Variants in SGCD observed in about 807,000 individuals in gnomAD.
SGCD encodes delta-sarcoglycan.
SGCD carries 18 observed loss-of-function variants against 36.6 expected under a neutral mutation model. That is an observed-to-expected ratio of 0.49 (90% confidence interval 0.34 to 0.73). The LOEUF (loss-of-function observed/expected upper bound fraction) is 0.73, where lower values mean the gene tolerates loss of function less well. Among genes scored for constraint, SGCD ranks in the 30% least tolerant of loss-of-function variants. The pLI is 0.01. For synonymous variants in SGCD, 133 were observed against 130.6 expected (o/e 1.02, Z -0.12); for missense variants, 387 against 346.7 (o/e 1.12, Z -0.92).
At chr5:156,177,539 C>G (rs1042007926) in intron 3 of SGCD, among the ~76,000 whole-genome samples, 2 of 152,066 alleles carry the variant, frequency 1.3e-5, no homozygotes, top group African/African-American at 4.8e-5. Flanking sequence ...TCCTGTGCAT[C>G]TCGGGAGCTG....
intron 6 of SGCD, among the ~76,000 whole-genome samples, chr5:156,631,241 A>G (rs992944161): frequency 6.6e-6 from 1 of 152,158 alleles, no homozygotes; most frequent in Admixed American, 6.5e-5. Flanking sequence ...TTAAAAAGAG[A>G]TGCTAATGTA....
chr5:155,884,660 C>A (rs2113302110), intron 1 of SGCD, among the ~76,000 whole-genome samples: 1 of 152,294 alleles, frequency 6.6e-6, no homozygotes, highest in Non-Finnish European at 1.5e-5. Context: ...TTTCTGGCAT[C>A]TGGATAGGTA....
chr5:155,741,344 A>T, the SGCD span, among the ~76,000 whole-genome samples: 2 of 152,212 alleles, frequency 1.3e-5, no homozygotes, highest in South Asian at 4.1e-4. Context: ...ACCTGGAAAA[A>T]GAAGGGAATT....
At chr5:156,122,843 TAAAAAAAAAAAAAAAAAAAA>T (rs33983852) in intron 2 of SGCD, among the ~76,000 whole-genome samples, 1,199 of 54,154 alleles carry the variant, frequency 0.022, 52 homozygotes, top group African/African-American at 0.091. Context: ...AAAGATGTGG[TAAAAAAAAAAAAAAAAAAAA>T]AAAAAAAAAA....
intron 3 of SGCD, among the ~76,000 whole-genome samples, chr5:156,406,457 G>T (rs1772414704): frequency 6.6e-6 from 1 of 151,450 alleles, no homozygotes; most frequent in African/African-American, 2.4e-5. Context: ...CTTTATTTTG[G>T]TGCATCCAAT....
At chr5:156,020,137 A>T (rs1016520092) in intron 1 of SGCD, among the ~76,000 whole-genome samples, 24 of 152,182 alleles carry the variant, frequency 1.6e-4, no homozygotes, top group African/African-American at 5.8e-4. Context: ...ACTTACTTTT[A>T]TATATTTTCA....
At chr5:155,776,639 C>A in the SGCD span, among the ~76,000 whole-genome samples, 1 of 151,254 alleles carries the variant, frequency 6.6e-6, no homozygotes, top group Non-Finnish European at 1.5e-5. Context: ...CAACACCCCC[C>A]ACCCCCGCCC....
chr5:155,942,334 G>GTATGTATCTATCTATC (rs779514666), intron 1 of SGCD, among the ~76,000 whole-genome samples: 83 of 138,500 alleles, frequency 6.0e-4, no homozygotes, highest in East Asian at 4.2e-3. Context: ...ATGTATGTAT[G>GTATGTATCTATCTATC]TATCTATCTA....
intron 3 of SGCD, among the ~76,000 whole-genome samples, chr5:156,408,761 C>T (rs1772578193): frequency 6.6e-6 from 1 of 152,184 alleles, no homozygotes; most frequent in African/African-American, 2.4e-5. Context: ...CTTTCCCATT[C>T]CCGAGGATAT....
At chr5:156,605,596 T>C (rs1427721610) in intron 6 of SGCD, among the ~76,000 whole-genome samples, 1 of 152,236 alleles carries the variant, frequency 6.6e-6, no homozygotes, top group Non-Finnish European at 1.5e-5. Flanking sequence ...ATGATATTTC[T>C]AATTCTAGAT....
At chr5:156,062,188 T>C (rs1348668543) in intron 1 of SGCD, among the ~76,000 whole-genome samples, 10 of 82,826 alleles carry the variant, frequency 1.2e-4, no homozygotes, top group Non-Finnish European at 1.9e-4. Context: ...CGGTGTTTGG[T>C]TTTTTGTTCT....
the SGCD span, among the ~76,000 whole-genome samples, chr5:155,800,236 G>T: frequency 6.6e-6 from 1 of 152,128 alleles, no homozygotes; most frequent in South Asian, 2.1e-4. Context: ...GGGAGGCTTT[G>T]TGTTGTTTTG....
At chr5:156,431,124 C>T (rs1752989340) in intron 3 of SGCD, among the ~76,000 whole-genome samples, 1 of 152,050 alleles carries the variant, frequency 6.6e-6, no homozygotes, top group South Asian at 2.1e-4. Flanking sequence ...AGAGCTATCC[C>T]AGCTCCCCTG....
chr5:156,139,300 C>G (rs1161733168), intron 3 of SGCD, among the ~76,000 whole-genome samples: 1 of 152,248 alleles, frequency 6.6e-6, no homozygotes, highest in South Asian at 2.1e-4. Flanking sequence ...AATATTATAT[C>G]TCTAGCTTTA....
intron 2 of SGCD, among the ~76,000 whole-genome samples, chr5:156,333,502 C>CAT (rs1260784586): frequency 6.6e-6 from 1 of 152,096 alleles, no homozygotes; most frequent in Non-Finnish European, 1.5e-5. Flanking sequence ...CAATTATTCA[C>CAT]ATATATCTAG....
intron 7 of SGCD, among the ~76,000 whole-genome samples, chr5:156,654,886 T>C (rs1481255328): frequency 1.3e-5 from 2 of 152,146 alleles, no homozygotes; most frequent in Admixed American, 6.6e-5. Context: ...AAATTAACAT[T>C]GTAGTCCTGT....
intron 7 of SGCD, among the ~76,000 whole-genome samples, chr5:156,708,294 A>AT (rs1159635667): frequency 3.2e-4 from 48 of 151,362 alleles, no homozygotes; most frequent in African/African-American, 1.1e-3. Context: ...AAAAAAAAAA[A>AT]AGGAAATGAA....
At chr5:156,038,844 T>A (rs938737103) in intron 1 of SGCD, among the ~76,000 whole-genome samples, 3 of 152,144 alleles carry the variant, frequency 2.0e-5, no homozygotes, top group Non-Finnish European at 1.5e-5. Context: ...CTGTTTTAAT[T>A]TTTTTCCTGT....
At chr5:156,540,177 T>C (rs970916158) in intron 4 of SGCD, among the ~76,000 whole-genome samples, 6 of 152,160 alleles carry the variant, frequency 3.9e-5, no homozygotes, top group Admixed American at 3.9e-4. Flanking sequence ...GAGCATGATG[T>C]TGTATTGTCT....
Sources: gnomAD v4.1 joint callset for allele counts (sites outside exome capture counted in the v4.1 genomes callset) on GRCh38, gnomAD v4.1.1 for gene constraint, MANE v1.5 for transcripts, NCBI Gene and HGNC (gene_info 2026-07-23, HGNC 2026-07-21) for gene names.